Variants in RPS6KB2 observed in about 807,000 individuals in gnomAD.
The protein encoded by RPS6KB2 is ribosomal protein S6 kinase beta-2.
RPS6KB2 carries 51 observed loss-of-function variants against 58.2 expected under a neutral mutation model. The observed-to-expected ratio is 0.88, with a 90% confidence interval of 0.70 to 1.11. The LOEUF (loss-of-function observed/expected upper bound fraction) is 1.11, where lower values mean the gene tolerates loss of function less well. RPS6KB2 is among the 50% of genes least tolerant of loss of function. RPS6KB2 has a pLI of 0.00. For synonymous variants in RPS6KB2, 293 were observed against 258.6 expected, an observed-to-expected ratio of 1.13 and a Z score of -1.28; for missense variants, 671 against 655.8, an observed-to-expected ratio of 1.02 and a Z score of -0.25.
In RPS6KB2 at chr11:67,431,491, T is replaced by C. The variant is rs1864019145; in HGVS notation, c.433T>C (p.Tyr145His). ...AYAFQTGGKL[Y>H]LILECLSGGE... ...TGCCTTCCAGACTGGTGGCAAACTCTACCTCATCCTTGAGTGCCTCAGTGG... is the reference window on the plus strand; with the variant it reads ...TGCCTTCCAGACTGGTGGCAAACTCCACCTCATCCTTGAGTGCCTCAGTGG... Residue 145 changes from tyrosine to histidine, a missense_variant, in exon 5 of 15, where the codon TAC becomes CAC. Tyr to His is a moderately conservative substitution (Grantham distance 83). Transcript: ENST00000312629. 1.9e-6 allele frequency: 3 copies of C among 1,613,936 alleles called. No homozygotes were observed. The highest frequency in any genetic ancestry group is 2.7e-5 in the African/African-American group (2 of 74,914).
At chr11:67,429,846 C>G (rs1863966567) in intron 4 of RPS6KB2, 2 of 401,442 alleles carry the variant, frequency 5.0e-6, no homozygotes, top group South Asian at 2.8e-5. Context: ...CGGAGTCTTG[C>G]TCTGTCACCC....
rs1329741784 is a variant in RPS6KB2 at position 67,435,114 on chromosome 11, GT to G, written c.1395del (p.Ser468GlnfsTer26). On this transcript the variant is annotated frameshift_variant, in exon 15 of 15. Coordinates refer to ENST00000312629, the MANE Select transcript of RPS6KB2 (RefSeq NM_003952.3). LOFTEE classifies it high-confidence loss of function. ...PPSTTAPLPI[R>X]PPSGTKKSKR... ...TCGACCACCGCCCCTCTCCCCATCC[GT>G]CCCCCCTCAGGGACCAAGAAGTCCA... 1 of 1,605,412 alleles carries G rather than the reference GT, an allele frequency of 6.2e-7. No individual in the cohort carries two copies. The highest frequency in any genetic ancestry group is 8.5e-7 in the Non-Finnish European group (1 of 1,178,372).
At chr11:67,429,492 A>T in intron 3 of RPS6KB2, 35 bp from the exon 4 acceptor site, 1 of 1,593,966 alleles carries the variant, frequency 6.3e-7, no homozygotes, top group Non-Finnish European at 8.6e-7. Context: ...TAGGATGTGG[A>T]GAGGGAAGTT....
At chr11:67,430,281 T>C (rs932074228) in intron 4 of RPS6KB2, 2 of 151,792 alleles carry the variant, frequency 1.3e-5, no homozygotes, top group African/African-American at 4.8e-5. Flanking sequence ...AATCTTTGTA[T>C]TTCTATTTGT....
In RPS6KB2 at chr11:67,433,942, G is replaced by A. The variant is rs1056588175; in HGVS notation, c.907-53G>A. The A allele has an allele frequency of 3.7e-6, 6 of 1,602,808 alleles. No individual in the cohort carries two copies. In the African/African-American group the frequency reaches 5.4e-5, roughly 14 times the overall value. ...TACTCCAGCTAGCCCTGGGACCCGG[G>A]GACACATGAGCAGTACTTGCCCAGG... On this transcript the variant is annotated intron_variant, in intron 10 of 14. Coordinates refer to ENST00000312629, the MANE Select transcript of RPS6KB2 (RefSeq NM_003952.3).
chr11:67,429,656 G>A, intron 4 of RPS6KB2, 61 bp downstream of exon 4: 1 of 1,369,052 alleles, frequency 7.3e-7, no homozygotes, highest in Non-Finnish European at 1.0e-6. Context: ...TGCTGTACCA[G>A]GCTTTGGGAA....
In RPS6KB2 at chr11:67,434,264, AGGCCCTGTCT is replaced by A. The variant is rs1864167011; in HGVS notation, c.1039_1047+1del. The A allele has an allele frequency of 6.2e-7, 1 of 1,613,550 alleles. No individual in the cohort carries two copies. The highest frequency in any genetic ancestry group is 8.5e-7 in the Non-Finnish European group (1 of 1,179,984). On this transcript the variant is annotated frameshift_variant and splice_region_variant, in exon 12 of 15. Transcript: ENST00000312629. LOFTEE classifies it high-confidence loss of function. ...GGCCTGGCGTGTGGACCCCCCTTTCAGGCCCTGTCTGGTGAGCAGCAGGGCTGGTGGCCAG... is the reference window on the plus strand; with the variant it reads ...GGCCTGGCGTGTGGACCCCCCTTTCAGGTGAGCAGCAGGGCTGGTGGCCAG...
In RPS6KB2 at chr11:67,432,114, T is replaced by C. The variant is rs7948158; in HGVS notation, c.458-486T>C. On this transcript the variant is annotated intron_variant, in intron 5 of 14. Coordinates refer to ENST00000312629, the MANE Select transcript of RPS6KB2 (RefSeq NM_003952.3). ...CTGCAGGCTGTGAGCAGTCTTGACC[T>C]GCCTTTCCCTCGTTTGGGCCAGATG... The C allele has an allele frequency of 5.9e-3, 2,129 of 361,820 alleles. 14 individuals are homozygous for C. Among genetic ancestry groups the C allele is most frequent in the Middle Eastern group, 0.013 (13 of 1,012 alleles). The allele number at this position is 361,820 out of a possible 1,614,324, so 22.4% of individuals were successfully genotyped here. A position where few individuals can be genotyped will look rare whatever the true frequency, so the allele number is the denominator to read the frequency against.
rs750083022 is a variant in RPS6KB2 at position 67,428,511 on chromosome 11, G to A, written c.-35G>A. 3 of 1,580,762 alleles carry A rather than the reference G, an allele frequency of 1.9e-6. No individual in the cohort carries two copies. Among genetic ancestry groups the A allele is most frequent in the South Asian group, 1.1e-5 (1 of 88,678 alleles). On this transcript the variant is annotated 5_prime_UTR_variant, in exon 1 of 15. Transcript: ENST00000312629. The stretch of plus-strand genomic sequence containing the variant: ...GGACTGTCAGTCAGTGCGCGGCCAG[G>A]TACGGGCCGACGGGCCCGCGGGGCC...
At chr11:67,434,939 C>T (rs1392733841) in intron 14 of RPS6KB2, 50 bp from the exon 15 acceptor site, 2 of 1,543,128 alleles carry the variant, frequency 1.3e-6, no homozygotes, top group Non-Finnish European at 1.8e-6. Context: ...GTGCTGGGAG[C>T]CTCTGGCAGG....
intron 1 of RPS6KB2, 47 bp downstream of exon 1, chr11:67,428,670 C>T (rs775448585): frequency 6.4e-6 from 10 of 1,550,866 alleles, no homozygotes; most frequent in Admixed American, 5.8e-5. Flanking sequence ...CCGATCCTGT[C>T]ACCCAGCCGA....
At position 67,433,372 on chromosome 11, in the gene RPS6KB2, C is replaced by T; in HGVS notation, c.831C>T (p.Thr277=). 1.2e-6 allele frequency: 2 copies of T among 1,613,930 alleles called. No homozygotes were observed. The highest frequency in any genetic ancestry group is 2.2e-5 in the East Asian group (1 of 44,874). Residue 277 remains threonine, a synonymous_variant, in exon 10 of 15, where the codon ACC becomes ACT. Coordinates refer to ENST00000312629, the MANE Select transcript of RPS6KB2 (RefSeq NM_003952.3). ...TCACCGCAGAGAACCGGAAGAAAAC[C>T]ATGGATAAGATCATCAGGGGCAAGC... The part of the protein sequence containing the change: ...PPFTAENRKK[T]MDKIIRGKLA...
At chr11:67,428,737 A>G (rs1227077582) in intron 1 of RPS6KB2, 114 bp downstream of exon 1, 1 of 1,048,386 alleles carries the variant, frequency 9.5e-7, no homozygotes, top group South Asian at 1.5e-5. Flanking sequence ...GCAGACCCAG[A>G]TCCTTCTCAG....
chr11:67,433,577 C>T (rs1864125242), intron 10 of RPS6KB2, 130 bp downstream of exon 10: 2 of 710,254 alleles, frequency 2.8e-6, no homozygotes, highest in African/African-American at 1.8e-5. Context: ...GAAAGGAGCC[C>T]CTCCCTTGAA....
In RPS6KB2 at chr11:67,428,671, A is replaced by G. The variant is rs1273948277; in HGVS notation, c.78+48A>G. On this transcript the variant is annotated intron_variant, in intron 1 of 14. Coordinates refer to ENST00000312629, the MANE Select transcript of RPS6KB2 (RefSeq NM_003952.3). The stretch of plus-strand genomic sequence containing the variant: ...ACTGGATCCTGGAGCCGATCCTGTC[A>G]CCCAGCCGAGGCCGGAGCGGCGGCT... 2.6e-6 allele frequency: 4 copies of G among 1,546,246 alleles called. No homozygotes were observed. In the Admixed American group the frequency reaches 7.8e-5, roughly 30 times the overall value.
chr11:67,433,193 A>G lies in RPS6KB2; in HGVS notation c.775A>G (p.Met259Val). 1.2e-6 allele frequency: 2 copies of G among 1,605,988 alleles called. No homozygotes were observed. The highest frequency in any genetic ancestry group is 1.7e-6 in the Non-Finnish European group (2 of 1,178,540). ...AVDWWSLGALMYDMLTGSPPF... is the reference protein window; with the variant it reads ...AVDWWSLGALVYDMLTGSPPF... ...GGACTGGTGGAGCCTGGGGGCCCTG[A>G]TGTACGACATGCTCACTGGATCGGC... The change falls in exon 9 of 15, where the codon ATG becomes GTG. Residue 259 changes from methionine (M) to valine (V), a missense_variant. Met to Val is a conservative substitution (Grantham distance 21). Transcript: ENST00000312629.
chr11:67,429,044 G>A (rs201720757), intron 2 of RPS6KB2, 22 bp downstream of exon 2: 2 of 1,613,800 alleles, frequency 1.2e-6, no homozygotes, highest in Non-Finnish European at 1.7e-6. Context: ...TCGTGTTGGG[G>A]GAGGGGGGAA....
chr11:67,431,734 G>C, intron 5 of RPS6KB2: 1 of 532,386 alleles, frequency 1.9e-6, no homozygotes, highest in South Asian at 2.2e-5. Context: ...CCTCACGTGT[G>C]TTGGGGGTGG....
At position 67,429,195 on chromosome 11, in the gene RPS6KB2, C is replaced by T; in HGVS notation, c.195C>T (p.His65=). 6.2e-7 allele frequency: 1 copy of T among 1,613,724 alleles called. No homozygotes were observed. The highest frequency in any genetic ancestry group is 8.5e-7 in the Non-Finnish European group (1 of 1,180,032). ...VNVGPERIGP[H]CFELLRVLGK... ...TTGGCCCAGAGCGCATCGGGCCCCA[C>T]TGCTTTGAGCTGCTGCGTGTGCTGG... Residue 65 remains histidine (H), a synonymous_variant, in exon 3 of 15, where the codon CAC becomes CAT. Transcript: ENST00000312629.
Sources: allele counts gnomAD v4.1 joint callset, GRCh38; gene constraint gnomAD v4.1.1; transcripts MANE v1.5; gene names NCBI Gene and HGNC (gene_info 2026-07-23, HGNC 2026-07-21).